ZNF667: variants seen among roughly 807,000 people sequenced by gnomAD.
ZNF667 encodes the protein myocardial ischemic preconditioning upregulated 1 ortholog.
A neutral mutation model predicts 31.8 loss-of-function variants in ZNF667; 13 were observed. That is an observed-to-expected ratio of 0.41 (90% CI 0.27 to 0.65). The LOEUF (loss-of-function observed/expected upper bound fraction) is 0.65, where lower values mean the gene tolerates loss of function less well. ZNF667 is among the 30% of genes least tolerant of loss of function. The pLI is 0.32. For synonymous variants in ZNF667, 228 were observed against 247.1 expected, an observed-to-expected ratio of 0.92 and a Z score of 0.73; for missense variants, 642 against 725.6, an observed-to-expected ratio of 0.88 and a Z score of 1.32.
At position 56,442,357 on chromosome 19, in the gene ZNF667, G is replaced by A. The variant is rs2042626711; in HGVS notation, c.638C>T (p.Thr213Ile). 1 of 1,613,890 alleles carries A rather than the reference G, an allele frequency of 6.2e-7. No individual in the cohort carries two copies. The change falls in exon 7 of 7, where the codon ACA (threonine) becomes ATA (isoleucine). Residue 213 changes from threonine to isoleucine, a missense_variant. Thr to Ile is a moderately conservative substitution (Grantham distance 89). Transcript: ENST00000504904. The stretch of plus-strand genomic sequence containing the variant: ...AATTCTCATATGTAGAATAAGGGTT[G>A]TTCTTTGATTGAAGCTTTCCCCACA... Reference protein sequence around the residue: ...NKCGESFNQRTTLILHMRIHD... With the variant: ...NKCGESFNQRITLILHMRIHD...
intron 3 of ZNF667, among the ~76,000 whole-genome samples, chr19:56,465,510 G>A (rs886326086): frequency 1.1e-4 from 16 of 152,230 alleles, no homozygotes; most frequent in Non-Finnish European, 1.8e-4. Flanking sequence ...AATGTTCCAT[G>A]TGCTAAGCAA....
chr19:56,447,913 G>C (rs966407149), intron 6 of ZNF667, among the ~76,000 whole-genome samples: 2 of 152,184 alleles, frequency 1.3e-5, no homozygotes, highest in East Asian at 3.9e-4. Context: ...AAAGGAGAAA[G>C]TGGAAGAGCC....
intron 3 of ZNF667, among the ~76,000 whole-genome samples, chr19:56,471,405 C>T (rs147916280): frequency 1.3e-5 from 2 of 152,202 alleles, no homozygotes; most frequent in African/African-American, 2.4e-5. Flanking sequence ...ACTGATGTCA[C>T]CTGGCATGGG....
intron 6 of ZNF667, among the ~76,000 whole-genome samples, chr19:56,443,521 G>A (rs1481457296): frequency 6.6e-6 from 1 of 152,124 alleles, no homozygotes; most frequent in Non-Finnish European, 1.5e-5. Context: ...TGACGTTACT[G>A]TATTGAATCC....
At chr19:56,476,478 A>G (rs2043409927) in intron 1 of ZNF667, among the ~76,000 whole-genome samples, 1 of 152,194 alleles carries the variant, frequency 6.6e-6, no homozygotes, top group Non-Finnish European at 1.5e-5. Context: ...AAAAACGACC[A>G]CCAGCACCAT....
At chr19:56,452,049 C>CTT (rs1342164454) in intron 6 of ZNF667, among the ~76,000 whole-genome samples, 15 of 139,308 alleles carry the variant, frequency 1.1e-4, no homozygotes, top group African/African-American at 3.4e-4. Context: ...GAAGAAATCT[C>CTT]TTTTTTTTTT....
chr19:56,472,979 T>TAA (rs1197574479), intron 2 of ZNF667: 2 of 152,210 alleles, frequency 1.3e-5, no homozygotes, highest in Non-Finnish European at 2.9e-5. Flanking sequence ...TAAATTGGTG[T>TAA]AAATTCAATG....
At chr19:56,460,460 A>G (rs1181106929) in intron 5 of ZNF667, among the ~76,000 whole-genome samples, 1 of 152,210 alleles carries the variant, frequency 6.6e-6, no homozygotes, top group Non-Finnish European at 1.5e-5. Context: ...GGTGGAAATA[A>G]TGAAAATATA....
chr19:56,466,731 C>A (rs2043169167), intron 3 of ZNF667, among the ~76,000 whole-genome samples: 1 of 152,162 alleles, frequency 6.6e-6, no homozygotes, highest in African/African-American at 2.4e-5. Flanking sequence ...TCCCACCAAG[C>A]CTGCAGAATG....
At position 56,441,523 on chromosome 19, in the gene ZNF667, CTCTTA is replaced by C; in HGVS notation, c.1467_1471del (p.His489GlnfsTer5). The C allele has an allele frequency of 6.2e-7, 1 of 1,614,208 alleles. No homozygotes were observed. The highest frequency in any genetic ancestry group is 8.5e-7 in the Non-Finnish European group (1 of 1,180,044). On this transcript the variant is annotated frameshift_variant, in exon 7 of 7. Transcript: ENST00000504904. LOFTEE classifies it high-confidence loss of function. This position sits in a 1 kb window ranked among gnomAD's most constrained non-coding sequence, Gnocchi z 4.2. ...ATAGGGTCTATCTTCAGTATGAATTCTCTTATGTCGTGTGAGAGATATTCGGTGGC... is the reference window on the plus strand; with the variant it reads ...ATAGGGTCTATCTTCAGTATGAATTCTGTCGTGTGAGAGATATTCGGTGGC...
rs2042576047 is a variant in ZNF667 at position 56,440,301 on chromosome 19, A to C, written c.*861T>G. 1 of 152,232 alleles carries C rather than the reference A, an allele frequency of 6.6e-6. No homozygotes were observed. The highest frequency in any genetic ancestry group is 1.5e-5 in the Non-Finnish European group (1 of 68,074). 9.4% of individuals were successfully genotyped at this position (152,232 alleles called of 1,614,324 possible). A position where few individuals can be genotyped will look rare whatever the true frequency, so the allele number is the denominator to read the frequency against. ...TTTTACTGATAGCTTGTCTCAGCCA[A>C]GTTAGACGTTCACACCATGAAGATC... On this transcript the variant is annotated 3_prime_UTR_variant, in exon 7 of 7. Coordinates refer to ENST00000504904, the MANE Select transcript of ZNF667 (RefSeq NM_001321356.2).
At chr19:56,458,777 A>G (rs970842512) in intron 5 of ZNF667, among the ~76,000 whole-genome samples, 2 of 152,230 alleles carry the variant, frequency 1.3e-5, no homozygotes, top group East Asian at 1.9e-4. Context: ...CCCTCCCCCC[A>G]TAACTTACCC....
intron 5 of ZNF667, among the ~76,000 whole-genome samples, chr19:56,459,736 G>GT (rs1194325162): frequency 6.6e-6 from 1 of 152,188 alleles, no homozygotes; most frequent in South Asian, 2.1e-4. Flanking sequence ...GCTCATGCCT[G>GT]TAATCCCAGC....
intron 6 of ZNF667, among the ~76,000 whole-genome samples, chr19:56,455,680 A>G (rs1221183759): frequency 2.0e-5 from 3 of 152,240 alleles, no homozygotes; most frequent in Non-Finnish European, 4.4e-5. Flanking sequence ...TTAAGATGCA[A>G]TAAATACAAT....
At position 56,441,481 on chromosome 19, in the gene ZNF667, C is replaced by G; in HGVS notation, c.1514G>C (p.Gly505Ala). The stretch of plus-strand genomic sequence containing the variant: ...GTGTGCACTCTGGCTGAAGGCCTTC[C>G]CACACTGATCACATTCATAGGGTCT... ...EDRPYECDQC[G>A]KAFSQSAHLA... The change falls in exon 7 of 7, where the codon GGG becomes GCG. Residue 505 changes from glycine to alanine, a missense_variant. Physicochemically the swap from Gly to Ala is moderately conservative, Grantham distance 60 (BLOSUM62 0). Coordinates refer to ENST00000504904, the MANE Select transcript of ZNF667 (RefSeq NM_001321356.2). This position sits in a 1 kb window ranked among gnomAD's most constrained non-coding sequence, Gnocchi z 4.2. 3.1e-6 allele frequency: 5 copies of G among 1,614,128 alleles called. No individual in the cohort carries two copies. The highest frequency in any genetic ancestry group is 3.4e-6 in the Non-Finnish European group (4 of 1,180,030).
chr19:56,471,396 C>A (rs1568456128), intron 3 of ZNF667, among the ~76,000 whole-genome samples: 2 of 152,206 alleles, frequency 1.3e-5, no homozygotes, highest in Admixed American at 6.5e-5. Context: ...AGCTATTGAA[C>A]TGATGTCACC....
At chr19:56,450,979 T>C (rs1285642465) in intron 6 of ZNF667, among the ~76,000 whole-genome samples, 1 of 151,692 alleles carries the variant, frequency 6.6e-6, no homozygotes, top group Non-Finnish European at 1.5e-5. Context: ...CAGTAGTAGG[T>C]CTCTACTTAT....
intron 4 of ZNF667, among the ~76,000 whole-genome samples, chr19:56,461,852 G>A (rs1359623518): frequency 1.3e-5 from 2 of 152,188 alleles, no homozygotes; most frequent in Non-Finnish European, 2.9e-5. Context: ...GGGCTATGTG[G>A]TGCCTTTTAG....
chr19:56,473,040 CT>C (rs1380519196), intron 2 of ZNF667: 1 of 152,214 alleles, frequency 6.6e-6, no homozygotes, highest in South Asian at 2.1e-4. Flanking sequence ...TTATTTACCC[CT>C]GTTGTACTCT....
Sources: gnomAD v4.1 joint callset for allele counts (sites outside exome capture counted in the v4.1 genomes callset) on GRCh38, gnomAD v4.1.1 for gene constraint, Gnocchi (gnomAD v3.1) non-coding constraint, MANE v1.5 for transcripts, NCBI Gene and HGNC (gene_info 2026-07-23, HGNC 2026-07-21) for gene names.